PRORP: variants seen among roughly 807,000 people sequenced by gnomAD.
PRORP encodes the protein mitochondrial ribonuclease P catalytic subunit.
In PRORP, 51 loss-of-function variants were observed where a neutral mutation model predicts 59.4. The ratio of observed to expected loss-of-function variants is 0.86; its 90% CI spans 0.69 to 1.08. The LOEUF (loss-of-function observed/expected upper bound fraction) is 1.08. Among genes scored for constraint, PRORP ranks in the 50% least tolerant of loss-of-function variants. The pLI, the probability that PRORP is intolerant of heterozygous loss-of-function variation, is 0.00. For missense variants in PRORP, 646 were observed against 690.3 expected (o/e 0.94, Z 0.72); for synonymous variants, 231 against 245.6 (o/e 0.94, Z 0.55).
chr14:35,151,639 TACACACACACAC>T (rs55940352), intron 4 of PRORP, among the ~76,000 whole-genome samples: 265 of 141,840 alleles, frequency 1.9e-3, no homozygotes, highest in African/African-American at 5.9e-3. Context: ...CACACACACA[TACACACACACAC>T]ACACACACAC....
chr14:35,173,319 T>C (rs1486732517), intron 4 of PRORP, among the ~76,000 whole-genome samples: 1 of 152,220 alleles, frequency 6.6e-6, no homozygotes, highest in Non-Finnish European at 1.5e-5. Flanking sequence ...CTAGAAATTA[T>C]TGATTTTTTG....
chr14:35,252,655 A>G (rs2050644751), intron 5 of PRORP, among the ~76,000 whole-genome samples: 4 of 151,992 alleles, frequency 2.6e-5, no homozygotes, highest in Non-Finnish European at 1.5e-5. Flanking sequence ...CCTGCTCCCA[A>G]TCCCCACACC....
Position 35,232,830 on chromosome 14 carries a change from G to A in PRORP, c.1276-33897G>A, listed in dbSNP as rs186145041. Reference sequence around the variant, plus strand: ...TGGGACTACAGATGCATGCCACCACGACCGGCTAATTTTTTTGTATTTTTA... The same window carrying A: ...TGGGACTACAGATGCATGCCACCACAACCGGCTAATTTTTTTGTATTTTTA... On this transcript the variant is annotated intron_variant, in intron 5 of 7. Coordinates refer to ENST00000534898, the MANE Select transcript of PRORP (RefSeq NM_014672.4). Among the ~76,000 whole-genome samples, 774 of 152,118 alleles carry A rather than the reference G, an allele frequency of 5.1e-3. 29 individuals are homozygous for A. Among genetic ancestry groups the A allele is most frequent in the Non-Finnish European group, 1.2e-3 (80 of 67,982 alleles).
intron 4 of PRORP, chr14:35,158,333 T>C (rs1013935371): frequency 3.5e-6 from 1 of 286,892 alleles, no homozygotes; most frequent in Non-Finnish European, 7.0e-6. Flanking sequence ...TTTCTTAGAA[T>C]TGTAAAAACA....
chr14:35,208,151 A>G lies in PRORP; in HGVS notation c.1275+27374A>G, dbSNP rs576334271. ...GGCAAAAGAGCAAGACTCCATCTCA[A>G]AAAAAAAAAAAGACTATAGTTAAAG... is the stretch of plus-strand genomic sequence containing the variant. On this transcript the variant is annotated intron_variant, in intron 5 of 7. Coordinates refer to ENST00000534898, the MANE Select transcript of PRORP (RefSeq NM_014672.4). Among the ~76,000 whole-genome samples, 8 of 137,722 alleles carry G rather than the reference A, an allele frequency of 5.8e-5. No individual in the cohort carries two copies. The South Asian group carries it at 6.4e-4, about 11-fold the overall frequency. The allele number at this position is 137,722 out of a possible 152,430, so 90.4% of individuals were successfully genotyped here. A position where few individuals can be genotyped will look rare whatever the true frequency, so the allele number is the denominator to read the frequency against.
chr14:35,178,420 G>T (rs563926355), intron 4 of PRORP, among the ~76,000 whole-genome samples: 85 of 152,294 alleles, frequency 5.6e-4, no homozygotes, highest in African/African-American at 1.9e-3. Flanking sequence ...ATGAATCTGG[G>T]TGCTCCTGTA....
intron 5 of PRORP, among the ~76,000 whole-genome samples, chr14:35,181,933 G>A (rs2048621482): frequency 1.3e-5 from 2 of 151,756 alleles, no homozygotes; most frequent in South Asian, 4.2e-4. Context: ...AAACAAAACT[G>A]AACTAAAAAA....
At chr14:35,271,190 ACT>A (rs1054881701) in intron 7 of PRORP, among the ~76,000 whole-genome samples, 1 of 121,802 alleles carries the variant, frequency 8.2e-6, no homozygotes, top group African/African-American at 3.2e-5. Flanking sequence ...ACGGAATCTC[ACT>A]CTGTCGCCCA....
chr14:35,145,421 G>T (rs1336821222), intron 4 of PRORP, among the ~76,000 whole-genome samples: 1 of 143,064 alleles, frequency 7.0e-6, no homozygotes, highest in Non-Finnish European at 1.5e-5. Flanking sequence ...GGTCAAAATA[G>T]CTATAAAGAA....
At chr14:35,152,984 G>A (rs1419979701) in intron 4 of PRORP, among the ~76,000 whole-genome samples, 2 of 152,182 alleles carry the variant, frequency 1.3e-5, no homozygotes, top group African/African-American at 2.4e-5. Flanking sequence ...CTTCCCAGAC[G>A]GGGTGGCGGC....
chr14:35,245,019 G>T (rs1262265348), intron 5 of PRORP, among the ~76,000 whole-genome samples: 2 of 152,208 alleles, frequency 1.3e-5, no homozygotes, highest in African/African-American at 2.4e-5. Flanking sequence ...TTCTTTGGGA[G>T]CCCCTTCTGG....
rs191467175 is a variant in PRORP at position 35,131,611 on chromosome 14, C to T, written c.1167+4000C>T. ...TGGTGCTATTTCGGCTCACTGCAAC[C>T]TCCACCTCCTGGGTTCAAGCGATTC... On this transcript the variant is annotated intron_variant, in intron 4 of 7. Transcript: ENST00000534898. Among the ~76,000 whole-genome samples the T allele has an allele frequency of 3.4e-3, 509 of 151,684 alleles. 4 individuals are homozygous for T. Among genetic ancestry groups the T allele is most frequent in the African/African-American group, 0.012 (495 of 41,352 alleles).
At chr14:35,209,559 T>C (rs1416697672) in intron 5 of PRORP, among the ~76,000 whole-genome samples, 1 of 152,182 alleles carries the variant, frequency 6.6e-6, no homozygotes, top group Non-Finnish European at 1.5e-5. Flanking sequence ...TTTTGTTTTG[T>C]TTTGTTTTTT....
intron 4 of PRORP, among the ~76,000 whole-genome samples, chr14:35,149,410 G>T (rs1298280884): frequency 6.6e-6 from 1 of 151,970 alleles, no homozygotes; most frequent in African/African-American, 2.4e-5. Flanking sequence ...ATAGGATCTT[G>T]CTATGTTGCC....
intron 5 of PRORP, among the ~76,000 whole-genome samples, chr14:35,258,056 A>G (rs2050803109): frequency 1.2e-5 from 1 of 81,608 alleles, no homozygotes; most frequent in Non-Finnish European, 2.2e-5. Flanking sequence ...ACATATGAGT[A>G]AAAAAAAAAA....
At chr14:35,215,464 C>T (rs2139187737) in intron 5 of PRORP, among the ~76,000 whole-genome samples, 1 of 152,130 alleles carries the variant, frequency 6.6e-6, no homozygotes, top group South Asian at 2.1e-4. Context: ...ATAAAAAATA[C>T]ACATAATTTT....
intron 5 of PRORP, among the ~76,000 whole-genome samples, chr14:35,237,819 AT>A (rs547297407): frequency 1.3e-5 from 2 of 151,682 alleles, no homozygotes; most frequent in East Asian, 1.9e-4. Context: ...AGCCCGGCTA[AT>A]TTTTTTTGTA....
chr14:35,217,876 T>C (rs2049645972), intron 5 of PRORP, among the ~76,000 whole-genome samples: 1 of 152,204 alleles, frequency 6.6e-6, no homozygotes. Context: ...TCAGAAAGTG[T>C]GGGCCCTCCA....
intron 5 of PRORP, among the ~76,000 whole-genome samples, chr14:35,203,498 G>C (rs1351504889): frequency 6.6e-6 from 1 of 152,104 alleles, no homozygotes; most frequent in Non-Finnish European, 1.5e-5. Context: ...CTACACTGCA[G>C]CCTGCACGAC....
Sources: allele counts gnomAD v4.1 joint callset (sites outside exome capture counted in the v4.1 genomes callset), GRCh38; gene constraint gnomAD v4.1.1; transcripts MANE v1.5; gene names NCBI Gene and HGNC (gene_info 2026-07-23, HGNC 2026-07-21).